Variants in MINK1 observed in about 807,000 individuals in gnomAD.
The protein encoded by MINK1 is misshapen like kinase 1, also known as misshapen-like kinase 1.
In MINK1, 46 loss-of-function variants were observed where a neutral mutation model predicts 178.4. The ratio of observed to expected loss-of-function variants is 0.26; its 90% CI spans 0.20 to 0.33. The LOEUF (loss-of-function observed/expected upper bound fraction) is 0.33, where lower values mean the gene tolerates loss of function less well. Among genes scored for constraint, MINK1 ranks in the 10% least tolerant of loss-of-function variants. MINK1 has a pLI of 1.00. For missense variants in MINK1, 1,366 were observed against 1,814.9 expected (o/e 0.75, Z 4.49); for synonymous variants, 797 against 709.7 (o/e 1.12, Z -1.96).
At chr17:4,883,209 CT>C (rs571332353) in intron 4 of MINK1, 2,002 of 141,614 alleles carry the variant, frequency 0.014, 28 homozygotes, top group African/African-American at 0.044. Context: ...GCAGAAGTTC[CT>C]TTTTTTTTTT....
rs934573668 is a variant in MINK1, at chr17:4,849,801, G to A, written c.57+16161G>A. On this transcript the variant is annotated intron_variant, in intron 1 of 31. Transcript: ENST00000355280. ...TTGGTCAGGCTAGTCTCGAACTCCC[G>A]GCCTCAGGTGGTCCGCCCGCCTCGG... Among the ~76,000 whole-genome samples, 4 of 151,964 alleles carry A rather than the reference G, an allele frequency of 2.6e-5. No homozygotes were observed. The East Asian group carries it at 5.8e-4, about 22-fold the overall frequency.
At position 4,885,044 on chromosome 17, in the gene MINK1, CCAGAA is replaced by C. The variant is rs1410575290; in HGVS notation, c.508+47_508+51del. On this transcript the variant is annotated intron_variant, in intron 6 of 31. Coordinates refer to ENST00000355280, the MANE Select transcript of MINK1 (RefSeq NM_153827.5). The surrounding 1 kb of genome is among the most constrained non-coding windows in gnomAD (Gnocchi z 5.0). ...TGAGGCTGACGAGGACCTTTCACCT[CCAGAA>C]CAGAGAATGAGGGGCCCCTTTTTCT... The C allele has an allele frequency of 6.3e-7, 1 of 1,594,936 alleles. No homozygotes were observed. Among genetic ancestry groups the C allele is most frequent in the Admixed American group, 1.7e-5 (1 of 59,392 alleles).
chr17:4,886,731 GC>G lies in MINK1; in HGVS notation c.949+109del. The G allele has an allele frequency of 2.4e-6, 3 of 1,260,646 alleles. No homozygotes were observed. The highest frequency in any genetic ancestry group is 2.1e-6 in the Non-Finnish European group (2 of 939,220). 78.1% of individuals were successfully genotyped at this position (1,260,646 alleles called of 1,614,324 possible). A position where few individuals can be genotyped will look rare whatever the true frequency, so the allele number is the denominator to read the frequency against. On this transcript the variant is annotated intron_variant, in intron 10 of 31. Coordinates refer to ENST00000355280, the MANE Select transcript of MINK1 (RefSeq NM_153827.5). The surrounding 1 kb of genome is among the most constrained non-coding windows in gnomAD (Gnocchi z 6.1). Reference sequence around the variant, plus strand: ...GCACCCCTTCCTGCTCCCCTCCTTGGCCCCAGCTCTCCCTGTCCAAGGAGAT... The same window carrying G: ...GCACCCCTTCCTGCTCCCCTCCTTGGCCCAGCTCTCCCTGTCCAAGGAGAT...
chr17:4,895,976 A>T lies in MINK1; in HGVS notation c.3365-27A>T, dbSNP rs1969416918. 1.3e-6 allele frequency: 2 copies of T among 1,576,028 alleles called. No individual in the cohort carries two copies. The highest frequency in any genetic ancestry group is 1.4e-5 in the African/African-American group (1 of 73,888). On this transcript the variant is annotated intron_variant, in intron 27 of 31. Coordinates refer to ENST00000355280, the MANE Select transcript of MINK1 (RefSeq NM_153827.5). The surrounding 1 kb of genome is among the most constrained non-coding windows in gnomAD (Gnocchi z 4.3). ...CCCGTGGCGCAAGAAGGGAAGTCTC[A>T]GCATCCCTCTTCTCTCCCGCCCCCA...
chr17:4,887,809 G>T lies in MINK1; in HGVS notation c.1230+19G>T. ...GGAGGAGGTGGGCTGTCTCCGAAGG[G>T]CCCAGGCCTGGCGCGGCCTCCTCCT... On this transcript the variant is annotated intron_variant, in intron 12 of 31. Transcript: ENST00000355280. This position sits in a 1 kb window ranked among gnomAD's most constrained non-coding sequence, Gnocchi z 7.6. The T allele has an allele frequency of 6.8e-7, 1 of 1,472,386 alleles. No individual in the cohort carries two copies. The allele number at this position is 1,472,386 out of a possible 1,614,324, so 91.2% of individuals were successfully genotyped here. A position where few individuals can be genotyped will look rare whatever the true frequency, so the allele number is the denominator to read the frequency against.
chr17:4,862,738 C>T (rs1283294230), intron 1 of MINK1, among the ~76,000 whole-genome samples: 1 of 151,968 alleles, frequency 6.6e-6, no homozygotes, highest in African/African-American at 2.4e-5. Flanking sequence ...TATTTAAAGT[C>T]AAGACCCTTC....
chr17:4,887,062 C>CG lies in MINK1; in HGVS notation c.950-45dup, dbSNP rs759260392. ...CACCCAAGGTTTCCCTAGCCCACGG[C>CG]GGGTCTGGGGCGCTGGGTGAGATAA... On this transcript the variant is annotated intron_variant, in intron 10 of 31. Transcript: ENST00000355280. This position sits in a 1 kb window ranked among gnomAD's most constrained non-coding sequence, Gnocchi z 7.6. 1 of 1,541,398 alleles carries CG rather than the reference C, an allele frequency of 6.5e-7. No individual in the cohort carries two copies.
chr17:4,894,712 C>A lies in MINK1; in HGVS notation c.2917+79C>A. The A allele has an allele frequency of 8.9e-7, 1 of 1,127,778 alleles. No homozygotes were observed. Among genetic ancestry groups the A allele is most frequent in the Non-Finnish European group, 1.3e-6 (1 of 765,598 alleles). The allele number at this position is 1,127,778 out of a possible 1,614,324, so 69.9% of individuals were successfully genotyped here. The stretch of plus-strand genomic sequence containing the variant: ...AGGGGAGCACAGTGGTCTTGAGACG[C>A]AGCCTCACAAAGCATAGCCACAGGA... On this transcript the variant is annotated intron_variant, in intron 24 of 31. Coordinates refer to ENST00000355280, the MANE Select transcript of MINK1 (RefSeq NM_153827.5). This position sits in a 1 kb window ranked among gnomAD's most constrained non-coding sequence, Gnocchi z 4.1.
At chr17:4,881,321 G>A in intron 4 of MINK1, 64 bp downstream of exon 4, 1 of 1,494,472 alleles carries the variant, frequency 6.7e-7, no homozygotes, top group Middle Eastern at 2.1e-4. Context: ...TGTTCACTAG[G>A]ACTCAGTATC....
chr17:4,873,062 T>C (rs1250360503), intron 1 of MINK1, among the ~76,000 whole-genome samples: 2 of 152,162 alleles, frequency 1.3e-5, no homozygotes, highest in Non-Finnish European at 2.9e-5. Flanking sequence ...TTTTTTTCAG[T>C]GCCCTCTGGC....
Position 4,893,771 on chromosome 17 carries a change from G to C in MINK1, c.2564+174G>C, listed in dbSNP as rs537786511. On this transcript the variant is annotated intron_variant, in intron 21 of 31. Transcript: ENST00000355280. ...TCTCCCGCTGCCCTGTGTGTTGTGG[G>C]GTGGCCTCTTCAAGTGCCTGTCTGC... 43 of 1,089,116 alleles carry C rather than the reference G, an allele frequency of 3.9e-5. No homozygotes were observed. In the African/African-American group the frequency reaches 6.0e-4, roughly 15 times the overall value. The allele number at this position is 1,089,116 out of a possible 1,614,324, so 67.5% of individuals were successfully genotyped here. A position where few individuals can be genotyped will look rare whatever the true frequency, so the allele number is the denominator to read the frequency against.
chr17:4,870,514 C>T (rs931431093), intron 1 of MINK1, among the ~76,000 whole-genome samples: 1 of 151,630 alleles, frequency 6.6e-6, no homozygotes, highest in Non-Finnish European at 1.5e-5. Context: ...ATTTACATAC[C>T]ATAAAATTTA....
In MINK1 at chr17:4,885,569, G is replaced by A; in HGVS notation, c.595G>A (p.Val199Ile). The change falls in exon 7 of 32, where the codon GTC becomes ATC. Residue 199 changes from valine (V) to isoleucine (I), a missense_variant. By Grantham distance (29) the Val-to-Ile change is conservative. Around this residue, in one of 14 missense-constraint regions of MINK1, gnomAD observed 109 missense variants for 369.4 expected, o/e 0.30. Coordinates refer to ENST00000355280, the MANE Select transcript of MINK1 (RefSeq NM_153827.5). This position sits in a 1 kb window ranked among gnomAD's most constrained non-coding sequence, Gnocchi z 5.0. The part of the protein sequence containing the change: ...IGTPYWMAPE[V>I]IACDENPDAT... The stretch of plus-strand genomic sequence containing the variant: ...GACTCCCTACTGGATGGCTCCAGAG[G>A]TCATCGCCTGTGATGAGAACCCTGA... 6.2e-7 allele frequency: 1 copy of A among 1,613,982 alleles called. No homozygotes were observed. The highest frequency in any genetic ancestry group is 8.5e-7 in the Non-Finnish European group (1 of 1,179,884).
At chr17:4,840,708 A>G (rs1910084461) in intron 1 of MINK1, among the ~76,000 whole-genome samples, 1 of 152,198 alleles carries the variant, frequency 6.6e-6, no homozygotes, top group African/African-American at 2.4e-5. Context: ...GTATATAAAT[A>G]GACAAGACTC....
chr17:4,836,339 G>A lies in MINK1; in HGVS notation c.57+2699G>A, dbSNP rs552167122. Among the ~76,000 whole-genome samples the A allele has an allele frequency of 3.3e-5, 5 of 152,288 alleles. No homozygotes were observed. Among genetic ancestry groups the A allele is most frequent in the South Asian group, 2.1e-4 (1 of 4,832 alleles). On this transcript the variant is annotated intron_variant, in intron 1 of 31. Transcript: ENST00000355280. This position sits in a 1 kb window ranked among gnomAD's most constrained non-coding sequence, Gnocchi z 4.3. Reference sequence around the variant, plus strand: ...CTGATATTAGGGAAGATTGAATTGCGTTAATCTCTTAGCCATGTGTGGGGA... The same window carrying A: ...CTGATATTAGGGAAGATTGAATTGCATTAATCTCTTAGCCATGTGTGGGGA...
rs1443668873 is a variant in MINK1, at chr17:4,891,530, G to C, written c.1815G>C (p.Gln605His). The C allele has an allele frequency of 6.2e-6, 10 of 1,611,190 alleles. No homozygotes were observed. The South Asian group carries it at 1.1e-4, about 18-fold the overall frequency. The change falls in exon 16 of 32, where the codon CAG becomes CAC. Residue 605 changes from glutamine to histidine, a missense_variant. By Grantham distance (24) the Gln-to-His change is conservative (BLOSUM62 0). Coordinates refer to ENST00000355280, the MANE Select transcript of MINK1 (RefSeq NM_153827.5). ...PVPRSQSLQD[Q>H]PTRNLAAFPA... ...CCCGATCCCAGTCCCTGCAGGACCA[G>C]CCCACCCGAAACCTGGCTGCCTTCC...
In MINK1 at chr17:4,898,052, G is replaced by C. The variant is rs1434098016; in HGVS notation, c.*765G>C. Reference sequence around the variant, plus strand: ...TTTGTTAATAAAGACAATTCAACCAGCTCCCACCATGCAGGCCGCATGTCC... The same window carrying C: ...TTTGTTAATAAAGACAATTCAACCACCTCCCACCATGCAGGCCGCATGTCC... On this transcript the variant is annotated 3_prime_UTR_variant, in exon 32 of 32. Coordinates refer to ENST00000355280, the MANE Select transcript of MINK1 (RefSeq NM_153827.5). The C allele has an allele frequency of 7.0e-6, 1 of 141,924 alleles. No homozygotes were observed. 8.8% of individuals were successfully genotyped at this position (141,924 alleles called of 1,614,324 possible).
In MINK1 at chr17:4,885,471, G is replaced by A. The variant is rs755220077; in HGVS notation, c.509-12G>A. The A allele has an allele frequency of 5.0e-6, 8 of 1,613,532 alleles. No individual in the cohort carries two copies. The highest frequency in any genetic ancestry group is 1.7e-4 in the Middle Eastern group (1 of 6,058). ...ACTCCCCACACTGACCCCTCCCTCTGTGTCTTCACAGTGGATTTTGGGGTG... is the reference window on the plus strand; with the variant it reads ...ACTCCCCACACTGACCCCTCCCTCTATGTCTTCACAGTGGATTTTGGGGTG... On this transcript the variant is annotated splice_polypyrimidine_tract_variant and intron_variant, in intron 6 of 31. Coordinates refer to ENST00000355280, the MANE Select transcript of MINK1 (RefSeq NM_153827.5). This position sits in a 1 kb window ranked among gnomAD's most constrained non-coding sequence, Gnocchi z 5.0.
rs1195749165 is a variant in MINK1 at position 4,898,037 on chromosome 17, A to AAGAC, written c.*752_*755dup. On this transcript the variant is annotated 3_prime_UTR_variant, in exon 32 of 32. Transcript: ENST00000355280. ...GCCTTGGATATCCTGTTTGTTAATA[A>AAGAC]AGACAATTCAACCAGCTCCCACCAT... 1.3e-5 allele frequency: 2 copies of AAGAC among 149,538 alleles called. No homozygotes were observed. The highest frequency in any genetic ancestry group is 3.0e-5 in the Non-Finnish European group (2 of 67,528). 9.3% of individuals were successfully genotyped at this position (149,538 alleles called of 1,614,324 possible). A position where few individuals can be genotyped will look rare whatever the true frequency, so the allele number is the denominator to read the frequency against.
Sources: allele counts gnomAD v4.1 joint callset (sites outside exome capture counted in the v4.1 genomes callset), GRCh38; gene constraint gnomAD v4.1.1; regional missense constraint gnomAD v4.1.1; non-coding constraint Gnocchi (gnomAD v3.1); transcripts MANE v1.5; gene names NCBI Gene and HGNC (gene_info 2026-07-23, HGNC 2026-07-21).